PKP4: variants seen among roughly 807,000 people sequenced by gnomAD.
The protein encoded by PKP4 is plakophilin 4, also known as plakophilin-4.
Under a neutral mutation model 145.1 loss-of-function variants are expected in PKP4, and 90 were observed. That is an observed-to-expected ratio of 0.62 (90% confidence interval 0.52 to 0.74). PKP4 has a LOEUF of 0.74. PKP4 is among the 30% of genes least tolerant of loss of function. The pLI, the probability that PKP4 is intolerant of heterozygous loss-of-function variation, is 0.00. For missense variants in PKP4, 1,340 were observed against 1,482.7 expected, an observed-to-expected ratio of 0.90 and a Z score of 1.58; for synonymous variants, 563 against 577.2, an observed-to-expected ratio of 0.98 and a Z score of 0.35.
chr2:158,598,932 T>C (rs2049999471), intron 3 of PKP4, among the ~76,000 whole-genome samples: 1 of 152,174 alleles, frequency 6.6e-6, no homozygotes, highest in Non-Finnish European at 1.5e-5. Context: ...TTCCTGCATG[T>C]TCTACCCTAA....
intron 1 of PKP4, among the ~76,000 whole-genome samples, chr2:158,529,703 T>A (rs7592864): frequency 2.0e-5 from 3 of 152,154 alleles, no homozygotes; most frequent in Non-Finnish European, 2.9e-5. Context: ...CATTTTGCTC[T>A]TGAACCTGAA....
At chr2:158,497,921 C>T (rs1204880244) in intron 1 of PKP4, among the ~76,000 whole-genome samples, 1 of 152,110 alleles carries the variant, frequency 6.6e-6, no homozygotes, top group Non-Finnish European at 1.5e-5. Flanking sequence ...AACAAATCCA[C>T]AAAACAGAAG....
chr2:158,535,600 G>C (rs1347576091), intron 2 of PKP4, among the ~76,000 whole-genome samples: 7 of 152,028 alleles, frequency 4.6e-5, no homozygotes, highest in Admixed American at 4.6e-4. Context: ...ATATTTTTTT[G>C]TAGAGATGGG....
intron 11 of PKP4, among the ~76,000 whole-genome samples, chr2:158,647,222 C>T (rs1207814696): frequency 1.3e-5 from 2 of 152,126 alleles, no homozygotes; most frequent in East Asian, 1.9e-4. Flanking sequence ...TAGCCTTGCA[C>T]GGTGCTTGGC....
At chr2:158,676,588 C>A in intron 19 of PKP4, 151 bp from the exon 20 acceptor site, 1 of 926,994 alleles carries the variant, frequency 1.1e-6, no homozygotes, top group Non-Finnish European at 1.7e-6. Context: ...AGCTGCTCTT[C>A]CACTCCCAGC....
In PKP4 at chr2:158,576,673, T is replaced by C. The variant is rs564857731; in HGVS notation, c.133-598T>C. 8.4e-4 allele frequency among the ~76,000 whole-genome samples: 128 copies of C among 152,362 alleles called. 2 individuals are homozygous for C. In the South Asian group the frequency reaches 0.025, roughly 30 times the overall value. ...AAATTCTATGTTATGGCTTAGTCTT[T>C]TTCACTTCTTGTGTTCCTTCTCTCC... is the stretch of plus-strand genomic sequence containing the variant. On this transcript the variant is annotated intron_variant, in intron 2 of 21. Transcript: ENST00000389759.
intron 4 of PKP4, among the ~76,000 whole-genome samples, chr2:158,610,241 TTA>T (rs1294167047): frequency 6.6e-6 from 1 of 152,210 alleles, no homozygotes; most frequent in African/African-American, 2.4e-5. Context: ...CGAGGGAATG[TTA>T]TGTTAGCGCT....
intron 2 of PKP4, among the ~76,000 whole-genome samples, chr2:158,551,315 G>A (rs1035474485): frequency 6.6e-6 from 1 of 152,174 alleles, no homozygotes; most frequent in Admixed American, 6.5e-5. Flanking sequence ...CATTACCATT[G>A]CTTCTCTGAA....
intron 2 of PKP4, among the ~76,000 whole-genome samples, chr2:158,571,849 G>A (rs904233945): frequency 6.6e-6 from 1 of 152,136 alleles, no homozygotes; most frequent in Non-Finnish European, 1.5e-5. Context: ...TTGAACTGGA[G>A]TGGAGCTCTT....
At chr2:158,502,583 C>G (rs1040533522) in intron 1 of PKP4, among the ~76,000 whole-genome samples, 1 of 152,290 alleles carries the variant, frequency 6.6e-6, no homozygotes, top group South Asian at 2.1e-4. Context: ...CCATGTGGAT[C>G]GCTGCAGTCA....
At chr2:158,508,688 T>G (rs995100445) in intron 1 of PKP4, among the ~76,000 whole-genome samples, 3 of 152,230 alleles carry the variant, frequency 2.0e-5, no homozygotes, top group African/African-American at 7.2e-5. Flanking sequence ...TCATGATACC[T>G]CTGATGTTCA....
At chr2:158,676,435 T>A (rs752331264) in intron 19 of PKP4, among the ~76,000 whole-genome samples, 2 of 152,056 alleles carry the variant, frequency 1.3e-5, no homozygotes, top group Non-Finnish European at 2.9e-5. Context: ...GACAGACTAG[T>A]GGGGAAAGCT....
chr2:158,595,810 A>G (rs1248355909), intron 3 of PKP4, among the ~76,000 whole-genome samples: 1 of 152,090 alleles, frequency 6.6e-6, no homozygotes, highest in Non-Finnish European at 1.5e-5. Flanking sequence ...ATTAGTAGTT[A>G]TTTTGTCATA....
intron 4 of PKP4, among the ~76,000 whole-genome samples, chr2:158,609,270 A>G (rs1024017121): frequency 1.3e-5 from 2 of 152,218 alleles, no homozygotes; most frequent in African/African-American, 4.8e-5. Flanking sequence ...ACTGAAGATA[A>G]TATGAAAATC....
At chr2:158,631,674 A>C (rs1372421890) in intron 7 of PKP4, 79 bp from the exon 8 acceptor site, 2 of 1,232,654 alleles carry the variant, frequency 1.6e-6, no homozygotes, top group Non-Finnish European at 2.4e-6. Flanking sequence ...TACAGGGGTT[A>C]GGAATTTAAT....
intron 11 of PKP4, among the ~76,000 whole-genome samples, chr2:158,651,815 C>T (rs1417384243): frequency 2.6e-5 from 4 of 152,006 alleles, no homozygotes; most frequent in South Asian, 2.1e-4. Flanking sequence ...CCAGTGTCCC[C>T]GGCAATGACA....
At chr2:158,549,834 A>G (rs1279201050) in intron 2 of PKP4, among the ~76,000 whole-genome samples, 1 of 152,222 alleles carries the variant, frequency 6.6e-6, no homozygotes, top group Admixed American at 6.5e-5. Flanking sequence ...TTCATAAAAC[A>G]TGTTTTTTTC....
intron 2 of PKP4, among the ~76,000 whole-genome samples, chr2:158,538,747 G>T (rs990374070): frequency 2.6e-5 from 4 of 151,852 alleles, no homozygotes; most frequent in Admixed American, 2.6e-4. Flanking sequence ...TCTCCATGTT[G>T]GCCAGACTGG....
intron 2 of PKP4, among the ~76,000 whole-genome samples, chr2:158,566,633 A>G (rs1324384209): frequency 1.3e-5 from 2 of 152,200 alleles, no homozygotes; most frequent in Non-Finnish European, 2.9e-5. Context: ...CCAAATAACT[A>G]CCTTGTTGGA....
Sources: allele counts gnomAD v4.1 joint callset (sites outside exome capture counted in the v4.1 genomes callset), GRCh38; gene constraint gnomAD v4.1.1; transcripts MANE v1.5; gene names NCBI Gene and HGNC (gene_info 2026-07-23, HGNC 2026-07-21).